Variants in UBQLN1 observed in about 807,000 individuals in gnomAD.
UBQLN1 encodes ubiquilin 1, also known as ubiquilin-1.
Under a neutral mutation model 65.4 loss-of-function variants are expected in UBQLN1, and 13 were observed. The ratio of observed to expected loss-of-function variants is 0.20; its 90% CI spans 0.13 to 0.32. UBQLN1 has a LOEUF of 0.32. Among genes scored for constraint, UBQLN1 ranks in the 10% least tolerant of loss-of-function variants. The pLI is 1.00. For synonymous variants in UBQLN1, 267 were observed against 247.8 expected (o/e 1.08, Z -0.73); for missense variants, 561 against 724.0 (o/e 0.77, Z 2.58).
intron 7 of UBQLN1, chr9:83,667,896 C>A: frequency 2.0e-6 from 2 of 976,764 alleles, no homozygotes; most frequent in Non-Finnish European, 2.4e-6. Context: ...ACATGCCAAT[C>A]TAGTACTAGC....
At chr9:83,675,093 C>T (rs972204763) in intron 6 of UBQLN1, among the ~76,000 whole-genome samples, 8 of 152,180 alleles carry the variant, frequency 5.3e-5, no homozygotes, top group African/African-American at 1.7e-4. Flanking sequence ...GCACTGTTAA[C>T]TCCTGTAAAC....
intron 6 of UBQLN1, among the ~76,000 whole-genome samples, chr9:83,676,622 T>C (rs1831837496): frequency 6.6e-6 from 1 of 152,238 alleles, no homozygotes; most frequent in Non-Finnish European, 1.5e-5. Context: ...CACTGTATTC[T>C]ATAAAAGAAT....
intron 6 of UBQLN1, among the ~76,000 whole-genome samples, chr9:83,671,661 G>GCTTTTTTT (rs760320235): frequency 6.6e-6 from 1 of 152,106 alleles, no homozygotes; most frequent in Non-Finnish European, 1.5e-5. Flanking sequence ...TGTCATCCAG[G>GCTTTTTTT]CTTTTTTTCT....
At chr9:83,695,798 T>G (rs921927121) in intron 1 of UBQLN1, among the ~76,000 whole-genome samples, 2 of 152,214 alleles carry the variant, frequency 1.3e-5, no homozygotes, top group African/African-American at 4.8e-5. Flanking sequence ...CACATATATT[T>G]TCATGCCTAT....
intron 1 of UBQLN1, among the ~76,000 whole-genome samples, chr9:83,698,229 G>A (rs537751668): frequency 1.3e-5 from 2 of 152,182 alleles, no homozygotes; most frequent in Admixed American, 6.5e-5. Flanking sequence ...TTTGAGGGTA[G>A]GGGAAGAGAC....
chr9:83,695,620 TAA>T (rs11337638), intron 1 of UBQLN1, among the ~76,000 whole-genome samples: 104 of 151,132 alleles, frequency 6.9e-4, no homozygotes, highest in African/African-American at 2.0e-3. Flanking sequence ...TTTAAAGAGT[TAA>T]AAAAAAAAAT....
rs772312218 is a variant in UBQLN1, at chr9:83,707,939, G to C, written c.-260C>G. The C allele has an allele frequency of 3.9e-6, 2 of 506,774 alleles. No individual in the cohort carries two copies. Among genetic ancestry groups the C allele is most frequent in the Admixed American group, 8.5e-5 (2 of 23,550 alleles). 31.4% of individuals were successfully genotyped at this position (506,774 alleles called of 1,614,324 possible). On this transcript the variant is annotated 5_prime_UTR_variant, in exon 1 of 11. Transcript: ENST00000376395. ...CTCGCTCACACCGACATCCGCAGCAGCCACCGCTTCCTCCTCCCTGCCCCT... is the reference window on the plus strand; with the variant it reads ...CTCGCTCACACCGACATCCGCAGCACCCACCGCTTCCTCCTCCCTGCCCCT...
At chr9:83,684,393 C>A (rs569955030) in intron 2 of UBQLN1, among the ~76,000 whole-genome samples, 1 of 151,914 alleles carries the variant, frequency 6.6e-6, no homozygotes, top group Non-Finnish European at 1.5e-5. Flanking sequence ...CAGCGTTTCA[C>A]CATGTTTACC....
chr9:83,664,080 T>C (rs1490304619), intron 9 of UBQLN1, 37 bp from the exon 10 acceptor site: 2 of 1,579,570 alleles, frequency 1.3e-6, no homozygotes, highest in Non-Finnish European at 1.7e-6. Flanking sequence ...CCTAAGGTCC[T>C]GCAAAACCAG....
chr9:83,707,452 A>C (rs928348319), intron 1 of UBQLN1, 48 bp downstream of exon 1: 4 of 1,536,362 alleles, frequency 2.6e-6, no homozygotes, highest in Non-Finnish European at 3.5e-6. Context: ...CGGCGGGCGG[A>C]GGTCCTGCCG....
chr9:83,702,634 G>A (rs190951820), intron 1 of UBQLN1, among the ~76,000 whole-genome samples: 321 of 152,194 alleles, frequency 2.1e-3, no homozygotes, highest in African/African-American at 7.5e-3. Flanking sequence ...TATATCAAAA[G>A]TATTAAGATA....
chr9:83,662,154 T>C (rs901277375), intron 10 of UBQLN1, among the ~76,000 whole-genome samples: 3 of 152,076 alleles, frequency 2.0e-5, no homozygotes, highest in African/African-American at 7.2e-5. Flanking sequence ...TCATGTCAAA[T>C]AGATCACGAC....
intron 10 of UBQLN1, among the ~76,000 whole-genome samples, chr9:83,663,367 G>T (rs932452680): frequency 1.3e-5 from 2 of 152,000 alleles, no homozygotes; most frequent in African/African-American, 4.8e-5. Flanking sequence ...CATTATTAGG[G>T]GGTCCATATT....
chr9:83,673,721 G>C (rs78326037), intron 6 of UBQLN1, among the ~76,000 whole-genome samples: 6,185 of 152,140 alleles, frequency 0.041, 378 homozygotes, highest in African/African-American at 0.14. Flanking sequence ...CTCACTTATT[G>C]TCTATGGGTG....
At chr9:83,677,562 C>CAA (rs931520304) in intron 6 of UBQLN1, among the ~76,000 whole-genome samples, 165 bp downstream of exon 6, 2 of 133,748 alleles carry the variant, frequency 1.5e-5, no homozygotes, top group Admixed American at 1.7e-4. Flanking sequence ...AGCTCTATCT[C>CAA]AAAAAAACAA....
chr9:83,667,554 AG>A, intron 7 of UBQLN1: 1 of 985,458 alleles, frequency 1.0e-6, no homozygotes, highest in Non-Finnish European at 1.2e-6. Flanking sequence ...GTAAGTTCAC[AG>A]TAAGTAAACT....
At chr9:83,679,684 A>C in intron 4 of UBQLN1, 91 bp downstream of exon 4, 1 of 1,381,716 alleles carries the variant, frequency 7.2e-7, no homozygotes, top group South Asian at 1.4e-5. Flanking sequence ...TAGCTTAACC[A>C]TACATACAGG....
At chr9:83,694,725 C>T (rs1248423213) in intron 1 of UBQLN1, among the ~76,000 whole-genome samples, 1 of 152,108 alleles carries the variant, frequency 6.6e-6, no homozygotes, top group Non-Finnish European at 1.5e-5. Context: ...CTCAATTCAC[C>T]GGTGAACAAA....
At chr9:83,696,025 C>T (rs563136066) in intron 1 of UBQLN1, among the ~76,000 whole-genome samples, 1 of 152,250 alleles carries the variant, frequency 6.6e-6, no homozygotes, top group African/African-American at 2.4e-5. Flanking sequence ...CTGCAACCTC[C>T]ACCTCCCGGA....
Sources: allele counts gnomAD v4.1 joint callset (sites outside exome capture counted in the v4.1 genomes callset), GRCh38; gene constraint gnomAD v4.1.1; transcripts MANE v1.5; gene names NCBI Gene and HGNC (gene_info 2026-07-23, HGNC 2026-07-21).